XYLT1: variants seen among roughly 807,000 people sequenced by gnomAD.
XYLT1 encodes xylosyltransferase 1.
Under a neutral mutation model 91.3 loss-of-function variants are expected in XYLT1, and 36 were observed. The ratio of observed to expected loss-of-function variants is 0.39; its 90% CI spans 0.30 to 0.52. The LOEUF (loss-of-function observed/expected upper bound fraction) is 0.52. XYLT1 is among the 20% of genes least tolerant of loss of function. XYLT1 has a pLI of 0.68. For missense variants in XYLT1, 1,242 were observed against 1,284.5 expected (o/e 0.97, Z 0.51); for synonymous variants, 588 against 532.0 (o/e 1.11, Z -1.45).
At chr16:17,167,049 A>G (rs2031703579) in intron 5 of XYLT1, among the ~76,000 whole-genome samples, 1 of 152,300 alleles carries the variant, frequency 6.6e-6, no homozygotes, top group South Asian at 2.1e-4. Context: ...GGAGGTACTC[A>G]TTTGCGGATG....
rs1264945421 is a variant in XYLT1 at position 17,103,887 on chromosome 16, T to G, written c.*4808A>C. The G allele has an allele frequency of 6.6e-6, 1 of 152,440 alleles. No individual in the cohort carries two copies. The highest frequency in any genetic ancestry group is 1.5e-5 in the Non-Finnish European group (1 of 68,206). 9.4% of individuals were successfully genotyped at this position (152,440 alleles called of 1,614,324 possible). A position where few individuals can be genotyped will look rare whatever the true frequency, so the allele number is the denominator to read the frequency against. On this transcript the variant is annotated 3_prime_UTR_variant, in exon 12 of 12. Transcript: ENST00000261381. ...TCCATCTTAAGAGGGTCCTATACAG[T>G]ATCTTGTTTGCAAGGTAAACACAAA...
At chr16:17,386,932 C>T (rs778086592) in intron 1 of XYLT1, among the ~76,000 whole-genome samples, 1 of 152,154 alleles carries the variant, frequency 6.6e-6, no homozygotes. Context: ...CAAGCCAAAG[C>T]GCATGAACCT....
At chr16:17,304,248 C>T (rs2034440338) in intron 2 of XYLT1, among the ~76,000 whole-genome samples, 1 of 152,136 alleles carries the variant, frequency 6.6e-6, no homozygotes, top group Non-Finnish European at 1.5e-5. Flanking sequence ...GCATTCCTCC[C>T]AAAATGACCT....
intron 3 of XYLT1, among the ~76,000 whole-genome samples, chr16:17,205,622 G>C (rs879362601): frequency 6.6e-6 from 1 of 152,132 alleles, no homozygotes; most frequent in Non-Finnish European, 1.5e-5. Flanking sequence ...TTTCTATGTG[G>C]CTGCTCATCC....
chr16:17,133,855 C>CAATAGTTCTGCCTATTAA (rs1296452082), intron 9 of XYLT1, among the ~76,000 whole-genome samples: 2 of 152,166 alleles, frequency 1.3e-5, no homozygotes, highest in Admixed American at 6.5e-5. Flanking sequence ...GAAGTTTCAA[C>CAATAGTTCTGCCTATTAA]AATAGTTCTG....
At chr16:17,251,422 C>T (rs1009258347) in intron 3 of XYLT1, 4 of 152,342 alleles carry the variant, frequency 2.6e-5, no homozygotes, top group Non-Finnish European at 5.9e-5. Context: ...ATCATCTTCC[C>T]TGGAACTTCT....
chr16:17,149,880 T>TCAA, intron 6 of XYLT1, among the ~76,000 whole-genome samples: 1 of 152,200 alleles, frequency 6.6e-6, no homozygotes, highest in Non-Finnish European at 1.5e-5. Context: ...AATGAGATTG[T>TCAA]ATACAGGGAG....
chr16:17,379,753 T>TCACACA lies in XYLT1; in HGVS notation c.364-21704_364-21703insTGTGTG, dbSNP rs1221357179. 2.7e-3 allele frequency among the ~76,000 whole-genome samples: 350 copies of TCACACA among 128,688 alleles called. 1 individual carries two copies. The highest frequency in any genetic ancestry group is 3.9e-3 in the Middle Eastern group (1 of 256). The allele number at this position is 128,688 out of a possible 152,430, so 84.4% of individuals were successfully genotyped here. On this transcript the variant is annotated intron_variant, in intron 1 of 11. Coordinates refer to ENST00000261381, the MANE Select transcript of XYLT1 (RefSeq NM_022166.4). ...ATCTCTCTCTCTCTCTCTCTCTCTC[T>TCACACA]CTCTCTCTCTCACACACACACACAC...
chr16:17,307,567 A>C (rs1328075205), intron 2 of XYLT1, among the ~76,000 whole-genome samples: 2 of 152,208 alleles, frequency 1.3e-5, no homozygotes, highest in African/African-American at 2.4e-5. Context: ...GCCAGCAGAT[A>C]CTTATTTCCT....
intron 1 of XYLT1, among the ~76,000 whole-genome samples, chr16:17,426,655 T>G (rs2036322501): frequency 1.3e-5 from 2 of 152,162 alleles, no homozygotes; most frequent in Non-Finnish European, 2.9e-5. Flanking sequence ...GTAAATAAAG[T>G]TTTATTGACA....
intron 1 of XYLT1, among the ~76,000 whole-genome samples, chr16:17,408,570 G>A (rs2036062360): frequency 6.6e-6 from 1 of 152,200 alleles, no homozygotes; most frequent in Non-Finnish European, 1.5e-5. Flanking sequence ...AATAGGCCGG[G>A]GATGGTGGCT....
intron 2 of XYLT1, among the ~76,000 whole-genome samples, chr16:17,333,134 C>T (rs955176388): frequency 1.3e-5 from 2 of 152,098 alleles, no homozygotes; most frequent in Non-Finnish European, 2.9e-5. Context: ...GGGCTTTTCT[C>T]TGGCTCAACT....
rs1017266585 is a variant in XYLT1 at position 17,321,525 on chromosome 16, T to G, written c.402+36487A>C. Among the ~76,000 whole-genome samples, 5 of 152,004 alleles carry G rather than the reference T, an allele frequency of 3.3e-5. No homozygotes were observed. In the South Asian group the frequency reaches 6.3e-4, roughly 19 times the overall value. ...GGAATGCACCACCACGCTCTGCTAC[T>G]TTTTGTATTTTTAGTAGAGATGGGG... is the stretch of plus-strand genomic sequence containing the variant. On this transcript the variant is annotated intron_variant, in intron 2 of 11. Coordinates refer to ENST00000261381, the MANE Select transcript of XYLT1 (RefSeq NM_022166.4).
chr16:17,106,859 GC>G lies in XYLT1; in HGVS notation c.*1835del, dbSNP rs1392406602. 2 of 152,120 alleles carry G rather than the reference GC, an allele frequency of 1.3e-5. No homozygotes were observed. Among genetic ancestry groups the G allele is most frequent in the African/African-American group, 4.8e-5 (2 of 41,418 alleles). The allele number at this position is 152,120 out of a possible 1,614,324, so 9.4% of individuals were successfully genotyped here. On this transcript the variant is annotated 3_prime_UTR_variant, in exon 12 of 12. Transcript: ENST00000261381. ...CGGTCCCCAAGGCACCCCACTCAAAGCCAGTGGAAGATGCGGGTTGGAGCTT... is the reference window on the plus strand; with the variant it reads ...CGGTCCCCAAGGCACCCCACTCAAAGCAGTGGAAGATGCGGGTTGGAGCTT...
At chr16:17,361,147 T>C (rs1392195230) in intron 1 of XYLT1, among the ~76,000 whole-genome samples, 2 of 152,196 alleles carry the variant, frequency 1.3e-5, no homozygotes, top group Non-Finnish European at 2.9e-5. Context: ...GGGAGGTTAG[T>C]AGATGTGGCA....
chr16:17,322,521 T>C (rs1450090337), intron 2 of XYLT1, among the ~76,000 whole-genome samples: 1 of 152,182 alleles, frequency 6.6e-6, no homozygotes, highest in Non-Finnish European at 1.5e-5. Flanking sequence ...ACTCCCACCA[T>C]ACTCTCCTGC....
intron 2 of XYLT1, among the ~76,000 whole-genome samples, chr16:17,281,580 G>T (rs1286451898): frequency 6.6e-6 from 1 of 152,196 alleles, no homozygotes; most frequent in Admixed American, 6.5e-5. Context: ...ACCCTGGCTA[G>T]ACCAAGTTGC....
chr16:17,400,890 G>A (rs1193626498), intron 1 of XYLT1, among the ~76,000 whole-genome samples: 3 of 151,942 alleles, frequency 2.0e-5, no homozygotes, highest in African/African-American at 7.3e-5. Context: ...ATACTGGGAA[G>A]AGGAAAAAAG....
chr16:17,416,558 C>T (rs2036182517), intron 1 of XYLT1, among the ~76,000 whole-genome samples: 2 of 152,208 alleles, frequency 1.3e-5, no homozygotes, highest in African/African-American at 4.8e-5. Flanking sequence ...TCAGCCTGTG[C>T]AGCTAGGAGG....
Sources: gnomAD v4.1 joint callset for allele counts (sites outside exome capture counted in the v4.1 genomes callset) on GRCh38, gnomAD v4.1.1 for gene constraint, MANE v1.5 for transcripts, NCBI Gene and HGNC (gene_info 2026-07-23, HGNC 2026-07-21) for gene names.